The following LUZP2 variants were observed in gnomAD, a reference collection of about 807,000 sequenced individuals.
LUZP2 encodes leucine zipper protein 2.
LUZP2 carries 52 observed loss-of-function variants against 51.6 expected under a neutral mutation model. That is an observed-to-expected ratio of 1.01 (90% CI 0.81 to 1.27). The LOEUF (loss-of-function observed/expected upper bound fraction) is 1.27. Ranked by LOEUF, LUZP2 falls within the 50% of genes most tolerant of loss-of-function variation. The pLI, the probability that LUZP2 is intolerant of heterozygous loss-of-function variation, is 0.00. For missense variants in LUZP2, 436 were observed against 395.4 expected (o/e 1.10, Z -0.87); for synonymous variants, 154 against 137.3 (o/e 1.12, Z -0.85).
At chr11:24,628,332 G>A (rs1395152054) in intron 1 of LUZP2, among the ~76,000 whole-genome samples, 2 of 151,882 alleles carry the variant, frequency 1.3e-5, no homozygotes, top group Admixed American at 1.3e-4. Context: ...TCAAAACATT[G>A]CAAAAATGTA....
chr11:24,882,826 G>T (rs1274150759), intron 5 of LUZP2, among the ~76,000 whole-genome samples: 1 of 150,364 alleles, frequency 6.7e-6, no homozygotes, highest in Non-Finnish European at 1.5e-5. Context: ...GAGGGAGGGA[G>T]GGAATGAGAA....
rs1457899739 is a variant in LUZP2, at chr11:24,505,944, A to G, written c.62+8639A>G. Reference sequence around the variant, plus strand: ...TAGGTATAAAATAATTGTTACAATTATATTTCCATATTAATTATTTTAAAG... The same window carrying G: ...TAGGTATAAAATAATTGTTACAATTGTATTTCCATATTAATTATTTTAAAG... On this transcript the variant is annotated intron_variant, in intron 1 of 11. Coordinates refer to ENST00000336930, the MANE Select transcript of LUZP2 (RefSeq NM_001009909.4). Among the ~76,000 whole-genome samples, 3 of 149,880 alleles carry G rather than the reference A, an allele frequency of 2.0e-5. No homozygotes were observed. The Admixed American group carries it at 2.0e-4, about 10-fold the overall frequency.
chr11:25,053,587 A>G (rs1385651164), intron 10 of LUZP2, among the ~76,000 whole-genome samples: 1 of 150,806 alleles, frequency 6.6e-6, no homozygotes, highest in East Asian at 2.0e-4. Context: ...TCCCCACACT[A>G]AGCCTCAGGC....
intron 1 of LUZP2, among the ~76,000 whole-genome samples, chr11:24,640,333 A>G (rs1435877001): frequency 6.6e-6 from 1 of 151,918 alleles, no homozygotes; most frequent in Non-Finnish European, 1.5e-5. Context: ...TATACAGTAC[A>G]AGAGATGACT....
intron 1 of LUZP2, among the ~76,000 whole-genome samples, chr11:24,547,000 G>A (rs1199146375): frequency 6.7e-6 from 1 of 149,820 alleles, no homozygotes; most frequent in Non-Finnish European, 1.5e-5. Flanking sequence ...GTGGTGGTTG[G>A]TAGGCTATTT....
intron 5 of LUZP2, among the ~76,000 whole-genome samples, chr11:24,804,659 T>G (rs1013329241): frequency 1.4e-4 from 21 of 152,152 alleles, no homozygotes; most frequent in Admixed American, 1.2e-3. Flanking sequence ...ATAGGAGGGC[T>G]ACTTCTGAAA....
intron 1 of LUZP2, among the ~76,000 whole-genome samples, chr11:24,582,713 A>G (rs930894867): frequency 6.6e-6 from 1 of 152,130 alleles, no homozygotes; most frequent in South Asian, 2.1e-4. Context: ...ACATAGGTCT[A>G]GAAGAAATGT....
At chr11:24,761,483 A>C (rs1859977543) in intron 4 of LUZP2, among the ~76,000 whole-genome samples, 1 of 152,180 alleles carries the variant, frequency 6.6e-6, no homozygotes. Context: ...GACCCAAGAC[A>C]CATCATCCAG....
chr11:25,054,937 C>A (rs762030204), intron 10 of LUZP2, among the ~76,000 whole-genome samples: 1 of 61,806 alleles, frequency 1.6e-5, no homozygotes, highest in African/African-American at 6.9e-5. Flanking sequence ...AAAACATTGT[C>A]TTAATAATAC....
At chr11:24,766,471 C>T (rs1295502659) in intron 5 of LUZP2, among the ~76,000 whole-genome samples, 1 of 152,100 alleles carries the variant, frequency 6.6e-6, no homozygotes, top group Admixed American at 6.6e-5. Context: ...TATGAAAGGG[C>T]TTCCTTTTAG....
chr11:24,748,839 C>A (rs1217582268), intron 4 of LUZP2, among the ~76,000 whole-genome samples: 3 of 151,916 alleles, frequency 2.0e-5, no homozygotes, highest in African/African-American at 7.3e-5. Context: ...CATACACATA[C>A]GTAAGGGAAT....
At chr11:24,955,801 AAC>A (rs368560412) in intron 7 of LUZP2, among the ~76,000 whole-genome samples, 11 of 152,206 alleles carry the variant, frequency 7.2e-5, no homozygotes, top group African/African-American at 2.2e-4. Flanking sequence ...TATTGTGACA[AAC>A]TATTTAAAAT....
At chr11:24,806,012 A>T (rs1221123312) in intron 5 of LUZP2, among the ~76,000 whole-genome samples, 1 of 152,192 alleles carries the variant, frequency 6.6e-6, no homozygotes, top group Non-Finnish European at 1.5e-5. Context: ...TAGGAGCTAG[A>T]TGTTGGCCTG....
At chr11:24,756,332 C>A (rs1007364412) in intron 4 of LUZP2, among the ~76,000 whole-genome samples, 1 of 152,180 alleles carries the variant, frequency 6.6e-6, no homozygotes, top group Admixed American at 6.5e-5. Flanking sequence ...GTGTCAAGAA[C>A]GATTGTCCTC....
intron 5 of LUZP2, among the ~76,000 whole-genome samples, chr11:24,842,467 G>A (rs78978388): frequency 0.011 from 1,602 of 151,830 alleles, 15 homozygotes; most frequent in South Asian, 0.028. Context: ...AAAGTCTTTA[G>A]CAATGTACAC....
intron 1 of LUZP2, among the ~76,000 whole-genome samples, chr11:24,668,007 A>G (rs1590322583): frequency 6.6e-6 from 1 of 152,264 alleles, no homozygotes; most frequent in Admixed American, 6.5e-5. Flanking sequence ...GCAATAACTA[A>G]TATCATCCAC....
chr11:24,631,705 T>A (rs1854896847), intron 1 of LUZP2, among the ~76,000 whole-genome samples: 1 of 151,906 alleles, frequency 6.6e-6, no homozygotes, highest in Non-Finnish European at 1.5e-5. Context: ...GATACTAGCC[T>A]CGTGGAATAA....
chr11:24,710,804 A>G (rs1366403260), intron 1 of LUZP2, among the ~76,000 whole-genome samples: 1 of 152,178 alleles, frequency 6.6e-6, no homozygotes, highest in Non-Finnish European at 1.5e-5. Flanking sequence ...ACTTTAAATG[A>G]AAAACTTTAT....
At chr11:24,616,677 A>G (rs1421445289) in intron 1 of LUZP2, among the ~76,000 whole-genome samples, 3 of 152,146 alleles carry the variant, frequency 2.0e-5, no homozygotes, top group Admixed American at 2.0e-4. Context: ...CTGTACTTCC[A>G]CTAATACCAC....
Sources: allele counts gnomAD v4.1 joint callset (sites outside exome capture counted in the v4.1 genomes callset), GRCh38; gene constraint gnomAD v4.1.1; transcripts MANE v1.5; gene names NCBI Gene and HGNC (gene_info 2026-07-23, HGNC 2026-07-21).